Variants in ITIH5 observed in about 807,000 individuals in gnomAD.
The protein encoded by ITIH5 is inter-alpha-trypsin inhibitor heavy chain H5.
A neutral mutation model predicts 77.5 loss-of-function variants in ITIH5; 65 were observed. The observed-to-expected ratio is 0.84, with a 90% CI of 0.69 to 1.03. ITIH5 has a LOEUF of 1.03. Among genes scored for constraint, ITIH5 ranks in the 50% least tolerant of loss-of-function variants. The pLI is 0.00. For synonymous variants in ITIH5, 525 were observed against 494.3 expected (o/e 1.06, Z -0.82); for missense variants, 1,208 against 1,213.1 (o/e 1.00, Z 0.06).
intron 5 of ITIH5, chr10:7,619,894 G>A (rs1417008544): frequency 1.3e-5 from 2 of 152,770 alleles, no homozygotes; most frequent in Non-Finnish European, 2.9e-5. Flanking sequence ...ATAGAAGGAG[G>A]GGCCAGGCCC....
Position 7,569,667 on chromosome 10 carries a change from C to T in ITIH5, c.2149+1G>A. The T allele has an allele frequency of 2.5e-6, 4 of 1,596,174 alleles. No homozygotes were observed. Among genetic ancestry groups the T allele is most frequent in the Non-Finnish European group, 3.4e-6 (4 of 1,170,634 alleles). On this transcript the variant is annotated splice_donor_variant, in intron 12 of 13. Coordinates refer to ENST00000397146, the MANE Select transcript of ITIH5 (RefSeq NM_030569.7). LOFTEE classifies it high-confidence loss of function. ...ATGCTGCAGCGGAAGGTAGAACTTA[C>T]CAGAGTCCCTGTGATCAGAGACCAG...
intron 12 of ITIH5, among the ~76,000 whole-genome samples, chr10:7,568,153 G>A (rs1832225497): frequency 6.6e-6 from 1 of 152,202 alleles, no homozygotes; most frequent in Non-Finnish European, 1.5e-5. Flanking sequence ...TGAATTAGGT[G>A]ATGCATGTTA....
At chr10:7,566,992 G>C (rs1418478681) in intron 12 of ITIH5, among the ~76,000 whole-genome samples, 3 of 151,672 alleles carry the variant, frequency 2.0e-5, no homozygotes, top group African/African-American at 7.3e-5. Flanking sequence ...GCTTATCTTT[G>C]TATCTCTAGT....
chr10:7,650,879 C>T (rs1034460716), intron 2 of ITIH5, among the ~76,000 whole-genome samples: 4 of 152,178 alleles, frequency 2.6e-5, no homozygotes, highest in Non-Finnish European at 5.9e-5. Context: ...GAATCACCTA[C>T]TTGTGCTAAT....
intron 7 of ITIH5, among the ~76,000 whole-genome samples, chr10:7,610,491 C>T (rs1196445670): frequency 6.6e-6 from 1 of 152,192 alleles, no homozygotes; most frequent in East Asian, 1.9e-4. Flanking sequence ...GCAGCAAGGT[C>T]TTTCAGGCCC....
chr10:7,592,348 C>T (rs1162534505), intron 7 of ITIH5, among the ~76,000 whole-genome samples: 1 of 152,012 alleles, frequency 6.6e-6, no homozygotes, highest in East Asian at 1.9e-4. Flanking sequence ...GCCCCACCCT[C>T]CCAACATCAT....
chr10:7,581,954 C>T (rs1832568240), intron 8 of ITIH5, among the ~76,000 whole-genome samples: 1 of 148,040 alleles, frequency 6.8e-6, no homozygotes, highest in Non-Finnish European at 1.5e-5. Context: ...TGGCTCACTG[C>T]AACCTCTGCC....
intron 1 of ITIH5, among the ~76,000 whole-genome samples, chr10:7,665,534 C>T (rs971960833): frequency 2.6e-5 from 4 of 152,192 alleles, no homozygotes; most frequent in Non-Finnish European, 5.9e-5. Context: ...TGATAAGTGA[C>T]AGAATCAAGA....
rs1287823758 is a variant in ITIH5 at position 7,624,858 on chromosome 10, T to C, written c.653-7576A>G. ...ACATGTATATACACATATATATGTG[T>C]ATATATGTATATATGTATGTATATA... is the stretch of plus-strand genomic sequence containing the variant. On this transcript the variant is annotated intron_variant, in intron 5 of 13. Transcript: ENST00000397146. Among the ~76,000 whole-genome samples the C allele has an allele frequency of 1.4e-4, 13 of 89,930 alleles. 2 individuals are homozygous for C. The East Asian group carries it at 4.9e-3, about 34-fold the overall frequency. The allele number at this position is 89,930 out of a possible 152,430, so 59.0% of individuals were successfully genotyped here. A position where few individuals can be genotyped will look rare whatever the true frequency, so the allele number is the denominator to read the frequency against.
At chr10:7,602,655 T>G (rs963705338) in intron 7 of ITIH5, among the ~76,000 whole-genome samples, 2 of 152,202 alleles carry the variant, frequency 1.3e-5, no homozygotes, top group African/African-American at 4.8e-5. Context: ...CCATTAAATC[T>G]CTTTCCTTCA....
rs1408394358 is a variant in ITIH5, at chr10:7,641,916, G to GT, written c.299+10dup. The stretch of plus-strand genomic sequence containing the variant: ...GCAGAAATCTTCATCCCTGACCAGC[G>GT]TGTCACCTACATAGTGAAGTTGGTG... On this transcript the variant is annotated intron_variant, in intron 3 of 13. Coordinates refer to ENST00000397146, the MANE Select transcript of ITIH5 (RefSeq NM_030569.7). 1 of 1,613,154 alleles carries GT rather than the reference G, an allele frequency of 6.2e-7. No individual in the cohort carries two copies. Among genetic ancestry groups the GT allele is most frequent in the South Asian group, 1.1e-5 (1 of 90,996 alleles).
chr10:7,575,362 C>T (rs2130954445), intron 10 of ITIH5, among the ~76,000 whole-genome samples: 1 of 152,278 alleles, frequency 6.6e-6, no homozygotes, highest in Non-Finnish European at 1.5e-5. Flanking sequence ...ATGCTTTCTC[C>T]ACACCCAGGT....
At chr10:7,649,172 C>G (rs1474123316) in intron 2 of ITIH5, among the ~76,000 whole-genome samples, 1 of 151,966 alleles carries the variant, frequency 6.6e-6, no homozygotes, top group Non-Finnish European at 1.5e-5. Flanking sequence ...TCTCCTTCCC[C>G]TTCCCCTTCC....
At chr10:7,604,421 C>T (rs143965073) in intron 7 of ITIH5, among the ~76,000 whole-genome samples, 13 of 152,346 alleles carry the variant, frequency 8.5e-5, no homozygotes, top group Non-Finnish European at 1.8e-4. Flanking sequence ...GAGGACCCAG[C>T]GAGTGGTAAC....
chr10:7,602,858 C>T (rs544878067), intron 7 of ITIH5, among the ~76,000 whole-genome samples: 3 of 152,152 alleles, frequency 2.0e-5, no homozygotes, highest in Non-Finnish European at 4.4e-5. Context: ...ACAGCTCCAT[C>T]GTTCTTCCTT....
chr10:7,665,553 G>A (rs1834348172), intron 1 of ITIH5, among the ~76,000 whole-genome samples: 1 of 152,206 alleles, frequency 6.6e-6, no homozygotes, highest in Admixed American at 6.5e-5. Context: ...GAATCAAGTG[G>A]TCCCAGACAT....
At chr10:7,603,655 C>T (rs2131011321) in intron 7 of ITIH5, among the ~76,000 whole-genome samples, 1 of 152,274 alleles carries the variant, frequency 6.6e-6, no homozygotes, top group Admixed American at 6.5e-5. Context: ...GCGATCTTGG[C>T]TCACTGCAAG....
At chr10:7,629,003 TATC>T (rs1444497437) in intron 5 of ITIH5, among the ~76,000 whole-genome samples, 1 of 133,968 alleles carries the variant, frequency 7.5e-6, no homozygotes, top group African/African-American at 2.6e-5. Context: ...GCATCCATGT[TATC>T]ATATGTATCT....
rs113831498 is a variant in ITIH5 at position 7,582,077 on chromosome 10, A to G, written c.1109-2013T>C. 1.3e-3 allele frequency among the ~76,000 whole-genome samples: 198 copies of G among 151,718 alleles called. No homozygotes were observed. In the East Asian group the frequency reaches 0.014, roughly 11 times the overall value. ...TTTTTTAGTAGAGACGGGTTTCACCATGTTGGCCAGGCTGGTCTTGATTTC... is the reference window on the plus strand; with the variant it reads ...TTTTTTAGTAGAGACGGGTTTCACCGTGTTGGCCAGGCTGGTCTTGATTTC... On this transcript the variant is annotated intron_variant, in intron 8 of 13. Coordinates refer to ENST00000397146, the MANE Select transcript of ITIH5 (RefSeq NM_030569.7).
Sources: gnomAD v4.1 joint callset for allele counts (sites outside exome capture counted in the v4.1 genomes callset) on GRCh38, gnomAD v4.1.1 for gene constraint, MANE v1.5 for transcripts, NCBI Gene and HGNC (gene_info 2026-07-23, HGNC 2026-07-21) for gene names.